CDH13: variants seen among roughly 807,000 people sequenced by gnomAD.
The protein encoded by CDH13 is cadherin 13, also known as cadherin-13.
CDH13 carries 24 observed loss-of-function variants against 63.8 expected under a neutral mutation model. The ratio of observed to expected loss-of-function variants is 0.38; its 90% CI spans 0.27 to 0.53. CDH13 has a LOEUF of 0.53. CDH13 is among the 20% of genes least tolerant of loss of function. The pLI is 0.85. For missense variants in CDH13, 1,049 were observed against 903.1 expected (o/e 1.16, Z -2.07); for synonymous variants, 503 against 355.3 (o/e 1.42, Z -4.67).
At chr16:83,518,457 G>GT (rs199520839) in intron 7 of CDH13, among the ~76,000 whole-genome samples, 3,120 of 139,752 alleles carry the variant, frequency 0.022, 101 homozygotes, top group African/African-American at 0.076. Flanking sequence ...GATGTGATGG[G>GT]TTTTTTTTTG....
At chr16:82,937,438 GACACACACAC>G (rs10626791) in intron 2 of CDH13, among the ~76,000 whole-genome samples, 4 of 146,858 alleles carry the variant, frequency 2.7e-5, no homozygotes, top group African/African-American at 7.4e-5. Context: ...CACACACACA[GACACACACAC>G]ACACACACAC....
At chr16:83,214,137 A>G (rs1023792641) in intron 4 of CDH13, among the ~76,000 whole-genome samples, 1 of 152,062 alleles carries the variant, frequency 6.6e-6, no homozygotes, top group African/African-American at 2.4e-5. Context: ...TTCGCTCTTC[A>G]CAGTAAATAC....
At chr16:83,106,324 G>C (rs1013543510) in intron 3 of CDH13, among the ~76,000 whole-genome samples, 2 of 152,142 alleles carry the variant, frequency 1.3e-5, no homozygotes, top group African/African-American at 4.8e-5. Context: ...TGGATCATGA[G>C]GTCAGGAGTT....
intron 6 of CDH13, among the ~76,000 whole-genome samples, chr16:83,406,423 C>CCA (rs753419333): frequency 2.6e-5 from 4 of 151,572 alleles, no homozygotes; most frequent in Non-Finnish European, 5.9e-5. Context: ...TCTTTCCCCC[C>CCA]CCGCCTCTCT....
chr16:82,710,933 A>AT (rs538695679), intron 1 of CDH13, among the ~76,000 whole-genome samples: 1,560 of 147,370 alleles, frequency 0.011, 18 homozygotes, highest in African/African-American at 0.037. Context: ...CTGTCACCTG[A>AT]TTTTTTTTTT....
chr16:82,994,542 T>C (rs1376845542), intron 2 of CDH13, among the ~76,000 whole-genome samples: 3 of 152,214 alleles, frequency 2.0e-5, no homozygotes, highest in Non-Finnish European at 4.4e-5. Context: ...TTTGGTTATT[T>C]CTCTCTCACT....
chr16:83,680,446 C>T (rs1163440931), intron 10 of CDH13, among the ~76,000 whole-genome samples: 1 of 152,104 alleles, frequency 6.6e-6, no homozygotes, highest in Non-Finnish European at 1.5e-5. Flanking sequence ...TAGGTGCAGT[C>T]CCAGCAAACT....
At chr16:83,238,415 A>G (rs62040369) in intron 5 of CDH13, among the ~76,000 whole-genome samples, 12,506 of 152,242 alleles carry the variant, frequency 0.082, 568 homozygotes, top group East Asian at 0.2. Context: ...AGCATGGGAA[A>G]GACCCACCCC....
intron 6 of CDH13, among the ~76,000 whole-genome samples, chr16:83,414,518 A>C (rs2092172031): frequency 6.6e-6 from 1 of 152,004 alleles, no homozygotes; most frequent in African/African-American, 2.4e-5. Flanking sequence ...GATTGCTAGA[A>C]CCCCTTCATC....
intron 3 of CDH13, among the ~76,000 whole-genome samples, chr16:83,125,068 A>G (rs1421345511): frequency 6.6e-6 from 1 of 152,232 alleles, no homozygotes; most frequent in Non-Finnish European, 1.5e-5. Flanking sequence ...TGACCAGGTG[A>G]GTAATCCAGT....
At chr16:82,661,872 T>G (rs1339547434) in intron 1 of CDH13, among the ~76,000 whole-genome samples, 5 of 152,254 alleles carry the variant, frequency 3.3e-5, no homozygotes, top group Non-Finnish European at 7.3e-5. Context: ...ATTAGGGGAC[T>G]TGTTAAATCT....
rs538756493 is a variant in CDH13, at chr16:82,808,396, C to G, written c.46-49966C>G. ...GATATAATTTGTGGAGACACTTAGT[C>G]AAAAATTGTCACTGAATGCCTTATG... On this transcript the variant is annotated intron_variant, in intron 1 of 13. Coordinates refer to ENST00000567109, the MANE Select transcript of CDH13 (RefSeq NM_001257.5). Among the ~76,000 whole-genome samples the G allele has an allele frequency of 3.9e-5, 6 of 152,156 alleles. No homozygotes were observed. In the South Asian group the frequency reaches 1.2e-3, roughly 32 times the overall value.
At position 83,419,662 on chromosome 16, in the gene CDH13, C is replaced by A. The variant is rs559514022; in HGVS notation, c.782-66815C>A. Among the ~76,000 whole-genome samples the A allele has an allele frequency of 6.6e-4, 101 of 152,288 alleles. No homozygotes were observed. In the South Asian group the frequency reaches 8.7e-3, roughly 13 times the overall value. ...ACTCAACACCATTCTTGATCAGCTGCCCAAACCCCGCAGTATTATATAAAG... is the reference window on the plus strand; with the variant it reads ...ACTCAACACCATTCTTGATCAGCTGACCAAACCCCGCAGTATTATATAAAG... On this transcript the variant is annotated intron_variant, in intron 6 of 13. Transcript: ENST00000567109.
intron 3 of CDH13, among the ~76,000 whole-genome samples, chr16:83,083,497 T>G (rs1187023010): frequency 6.6e-5 from 10 of 152,216 alleles, no homozygotes; most frequent in Admixed American, 6.5e-4. Flanking sequence ...AATTGAGATT[T>G]GGAGAGATTA....
At position 83,014,854 on chromosome 16, in the gene CDH13, T is replaced by A. The variant is rs557799180; in HGVS notation, c.158-17156T>A. Among the ~76,000 whole-genome samples, 191 of 118,040 alleles carry A rather than the reference T, an allele frequency of 1.6e-3. 1 individual carries two copies. The highest frequency in any genetic ancestry group is 4.9e-3 in the Middle Eastern group (1 of 206). The allele number at this position is 118,040 out of a possible 152,430, so 77.4% of individuals were successfully genotyped here. A position where few individuals can be genotyped will look rare whatever the true frequency, so the allele number is the denominator to read the frequency against. On this transcript the variant is annotated intron_variant, in intron 2 of 13. Transcript: ENST00000567109. ...TGTATATATATTTGTATATATATAT[T>A]TGTATATATATATGTATATATATAT...
chr16:83,745,469 G>C (rs186957499), intron 10 of CDH13, among the ~76,000 whole-genome samples: 2 of 152,184 alleles, frequency 1.3e-5, no homozygotes, highest in Non-Finnish European at 2.9e-5. Context: ...CAGATGATTG[G>C]TTCTGAGACT....
intron 7 of CDH13, among the ~76,000 whole-genome samples, chr16:83,515,593 C>G (rs1018688875): frequency 6.6e-6 from 1 of 152,134 alleles, no homozygotes; most frequent in Non-Finnish European, 1.5e-5. Flanking sequence ...CCCCAGCTGT[C>G]AAAGTTTCCA....
chr16:83,708,727 T>C (rs913909480), intron 10 of CDH13, among the ~76,000 whole-genome samples: 2 of 152,170 alleles, frequency 1.3e-5, no homozygotes, highest in African/African-American at 2.4e-5. Context: ...TAAAAGTCCT[T>C]ATAAGAAGGA....
intron 7 of CDH13, among the ~76,000 whole-genome samples, chr16:83,587,264 G>C (rs997518707): frequency 3.9e-5 from 6 of 152,216 alleles, no homozygotes; most frequent in Admixed American, 3.9e-4. Flanking sequence ...GCTTTTCTAA[G>C]GGGAGGATGT....
Sources: allele counts gnomAD v4.1 joint callset (sites outside exome capture counted in the v4.1 genomes callset), GRCh38; gene constraint gnomAD v4.1.1; transcripts MANE v1.5; gene names NCBI Gene and HGNC (gene_info 2026-07-23, HGNC 2026-07-21).